The following PGM2 variants were observed in gnomAD, a reference collection of about 807,000 sequenced individuals.
PGM2 encodes phosphopentomutase.
Under a neutral mutation model 74.6 loss-of-function variants are expected in PGM2, and 57 were observed. That is an observed-to-expected ratio of 0.76 (90% CI 0.62 to 0.95). The LOEUF (loss-of-function observed/expected upper bound fraction) is 0.95. Among genes scored for constraint, PGM2 ranks in the 40% least tolerant of loss-of-function variants. The pLI, the probability that PGM2 is intolerant of heterozygous loss-of-function variation, is 0.00. For missense variants in PGM2, 706 were observed against 741.9 expected, an observed-to-expected ratio of 0.95 and a Z score of 0.56; for synonymous variants, 273 against 260.7, an observed-to-expected ratio of 1.05 and a Z score of -0.46.
chr4:37,849,687 G>A (rs7689030), intron 11 of PGM2, among the ~76,000 whole-genome samples: 10,713 of 152,052 alleles, frequency 0.07, 677 homozygotes, highest in East Asian at 0.18. Flanking sequence ...GGGATTACAG[G>A]CGTGAGCCAC....
chr4:37,848,607 C>G lies in PGM2; in HGVS notation c.1368C>G (p.Thr456=). The G allele has an allele frequency of 6.2e-7, 1 of 1,613,616 alleles. No individual in the cohort carries two copies. The highest frequency in any genetic ancestry group is 8.5e-7 in the Non-Finnish European group (1 of 1,179,582). ...CAGAGTTGGCTAGCTTCCTAGCAAC[C>G]AAGAATTTGTCTTTGTCTCAGCAAC... is the stretch of plus-strand genomic sequence containing the variant. ...ISAELASFLA[T]KNLSLSQQLK... is the part of the protein sequence containing the mutation. Residue 456 remains threonine, a synonymous_variant, in exon 11 of 14, where the codon ACC becomes ACG. Transcript: ENST00000381967.
At chr4:37,843,591 T>G (rs115815679) in intron 6 of PGM2, among the ~76,000 whole-genome samples, 8 of 151,238 alleles carry the variant, frequency 5.3e-5, no homozygotes, top group African/African-American at 1.9e-4. Context: ...ACAAAAAGTT[T>G]TATTTATTTA....
At chr4:37,858,176 A>G (rs370496512) in intron 13 of PGM2, among the ~76,000 whole-genome samples, 12 of 152,046 alleles carry the variant, frequency 7.9e-5, no homozygotes, top group African/African-American at 2.7e-4. Context: ...TAAATTAGTG[A>G]AAAAAACCTT....
At chr4:37,848,770 C>A in intron 11 of PGM2, 119 bp downstream of exon 11, 1 of 830,192 alleles carries the variant, frequency 1.2e-6, no homozygotes, top group East Asian at 2.8e-5. Context: ...AATTCTATTT[C>A]TTATAAAAAT....
In PGM2 at chr4:37,839,829, G is replaced by C. The variant is rs1725658586; in HGVS notation, c.442-19G>C. The stretch of plus-strand genomic sequence containing the variant: ...TTTTCGTTAAAAACTGTTTGTTCTT[G>C]TTTCCTGCTATGTTACAGCCCTTCA... On this transcript the variant is annotated intron_variant, in intron 4 of 13. Transcript: ENST00000381967. 1 of 1,451,048 alleles carries C rather than the reference G, an allele frequency of 6.9e-7. No individual in the cohort carries two copies. The highest frequency in any genetic ancestry group is 9.7e-7 in the Non-Finnish European group (1 of 1,033,852). The allele number at this position is 1,451,048 out of a possible 1,614,324, so 89.9% of individuals were successfully genotyped here.
intron 1 of PGM2, among the ~76,000 whole-genome samples, chr4:37,828,297 T>C (rs1264666102): frequency 1.3e-5 from 2 of 152,134 alleles, no homozygotes; most frequent in Non-Finnish European, 2.9e-5. Flanking sequence ...CTACACAGTG[T>C]TGCATCTGTG....
chr4:37,836,604 G>A (rs888741752), intron 3 of PGM2, among the ~76,000 whole-genome samples: 3 of 152,176 alleles, frequency 2.0e-5, no homozygotes, highest in Non-Finnish European at 1.5e-5. Context: ...TAGTGTCGGC[G>A]AAGCTAGTGC....
At chr4:37,857,291 A>G (rs977343473) in intron 13 of PGM2, among the ~76,000 whole-genome samples, 1 of 152,194 alleles carries the variant, frequency 6.6e-6, no homozygotes, top group Non-Finnish European at 1.5e-5. Flanking sequence ...GTGACAACAT[A>G]GACAAACCAA....
intron 13 of PGM2, among the ~76,000 whole-genome samples, chr4:37,859,728 T>G (rs931155012): frequency 2.6e-5 from 4 of 152,188 alleles, no homozygotes; most frequent in Admixed American, 1.3e-4. Context: ...TCTCCCCAAT[T>G]TATAATCAAA....
In PGM2 at chr4:37,839,809, G is replaced by A. The variant is rs769885800; in HGVS notation, c.442-39G>A. The stretch of plus-strand genomic sequence containing the variant: ...ATTTTAAGAATATCTGGTTATTTTC[G>A]TTAAAAACTGTTTGTTCTTGTTTCC... On this transcript the variant is annotated intron_variant, in intron 4 of 13. Transcript: ENST00000381967. 2.7e-5 allele frequency: 32 copies of A among 1,190,820 alleles called. No homozygotes were observed. In the East Asian group the frequency reaches 5.4e-4, roughly 20 times the overall value. The allele number at this position is 1,190,820 out of a possible 1,614,324, so 73.8% of individuals were successfully genotyped here. A position where few individuals can be genotyped will look rare whatever the true frequency, so the allele number is the denominator to read the frequency against.
rs1236032013 is a variant in PGM2 at position 37,862,803 on chromosome 4, C to T, written c.*1191C>T. On this transcript the variant is annotated 3_prime_UTR_variant, in exon 14 of 14. Coordinates refer to ENST00000381967, the MANE Select transcript of PGM2 (RefSeq NM_018290.4). ...TATTTTAGTCATATGTCGCTTATATCCTACCAGAACTCTTAAATCTATAAT... is the reference window on the plus strand; with the variant it reads ...TATTTTAGTCATATGTCGCTTATATTCTACCAGAACTCTTAAATCTATAAT... 1 of 151,964 alleles carries T rather than the reference C, an allele frequency of 6.6e-6. No individual in the cohort carries two copies. Among genetic ancestry groups the T allele is most frequent in the Non-Finnish European group, 1.5e-5 (1 of 68,010 alleles). 9.4% of individuals were successfully genotyped at this position (151,964 alleles called of 1,614,324 possible).
At chr4:37,840,797 C>T (rs1725688067) in intron 6 of PGM2, among the ~76,000 whole-genome samples, 1 of 152,082 alleles carries the variant, frequency 6.6e-6, no homozygotes, top group Non-Finnish European at 1.5e-5. Flanking sequence ...CTCAGCTACT[C>T]AACTCTGCTG....
intron 2 of PGM2, among the ~76,000 whole-genome samples, chr4:37,833,331 G>A (rs1725484191): frequency 6.6e-6 from 1 of 152,200 alleles, no homozygotes; most frequent in South Asian, 2.1e-4. Flanking sequence ...CAAGGCAGGA[G>A]GATTGCTTGA....
intron 4 of PGM2, 131 bp downstream of exon 4, chr4:37,837,744 A>G (rs62300673): frequency 0.25 from 173,010 of 687,986 alleles, 26,902 homozygotes; most frequent in African/African-American, 0.63. Context: ...CATGTATGAG[A>G]CATTTCCTTC....
chr4:37,849,064 CTG>C (rs1330130362), intron 11 of PGM2, among the ~76,000 whole-genome samples: 1 of 142,422 alleles, frequency 7.0e-6, no homozygotes, highest in East Asian at 2.1e-4. Context: ...GAGCTAAACT[CTG>C]TCTCAAAAAA....
At chr4:37,854,884 T>C (rs913147532) in intron 12 of PGM2, among the ~76,000 whole-genome samples, 1 of 152,226 alleles carries the variant, frequency 6.6e-6, no homozygotes, top group African/African-American at 2.4e-5. Context: ...TAATTTTCTT[T>C]ATTTAAAATT....
chr4:37,855,155 T>G (rs1726158985), intron 12 of PGM2, among the ~76,000 whole-genome samples: 1 of 152,200 alleles, frequency 6.6e-6, no homozygotes, highest in Non-Finnish European at 1.5e-5. Flanking sequence ...GCTGAAACTT[T>G]AGGCCCTTTG....
At chr4:37,838,085 T>C (rs920084362) in intron 4 of PGM2, among the ~76,000 whole-genome samples, 6 of 152,182 alleles carry the variant, frequency 3.9e-5, no homozygotes, top group Non-Finnish European at 8.8e-5. Context: ...TTCACCACGT[T>C]GGCCACGCTA....
intron 13 of PGM2, among the ~76,000 whole-genome samples, chr4:37,859,012 TGTA>T (rs1711664971): frequency 6.6e-6 from 1 of 152,186 alleles, no homozygotes; most frequent in South Asian, 2.1e-4. Flanking sequence ...GCTCTGCTAA[TGTA>T]GTAAGAAAGC....
Sources: gnomAD v4.1 joint callset for allele counts (sites outside exome capture counted in the v4.1 genomes callset) on GRCh38, gnomAD v4.1.1 for gene constraint, MANE v1.5 for transcripts, NCBI Gene and HGNC (gene_info 2026-07-23, HGNC 2026-07-21) for gene names.